Variants in ZNF475 observed in about 807,000 individuals in gnomAD.
ZNF475 encodes the protein zinc finger protein 475.
the ZNF475 span, among the ~76,000 whole-genome samples, chr5:122,165,392 G>C: frequency 3.9e-4 from 59 of 152,270 alleles, no homozygotes; most frequent in Admixed American, 1.3e-4. Flanking sequence ...AGTACACATT[G>C]ACATATATGG....
the ZNF475 span, among the ~76,000 whole-genome samples, chr5:122,174,384 GTCT>G: frequency 1.3e-5 from 2 of 152,098 alleles, no homozygotes; most frequent in East Asian, 1.9e-4. Flanking sequence ...AATAAAATAG[GTCT>G]TCTTATCTCT....
chr5:122,167,672 A>T, the ZNF475 span, among the ~76,000 whole-genome samples: 1 of 152,338 alleles, frequency 6.6e-6, no homozygotes, highest in African/African-American at 2.4e-5. Context: ...ATAATTTACA[A>T]ACAATAACCT....
At chr5:122,172,830 G>A in the ZNF475 span, among the ~76,000 whole-genome samples, 4 of 152,200 alleles carry the variant, frequency 2.6e-5, no homozygotes, top group Admixed American at 2.0e-4. Flanking sequence ...TCAGGAGATC[G>A]AGACCACCCT....
chr5:122,165,087 A>G, the ZNF475 span, among the ~76,000 whole-genome samples: 31 of 152,330 alleles, frequency 2.0e-4, no homozygotes, highest in Non-Finnish European at 2.2e-4. Flanking sequence ...CATTGTCAGT[A>G]ATCAGAAAAT....
chr5:122,161,148 C>T, the ZNF475 span, among the ~76,000 whole-genome samples: 243 of 152,330 alleles, frequency 1.6e-3, no homozygotes, highest in African/African-American at 5.5e-3. Context: ...CTCTCCCTTA[C>T]ATCTCTTGTC....
At chr5:122,169,375 A>C in the ZNF475 span, among the ~76,000 whole-genome samples, 2 of 152,128 alleles carry the variant, frequency 1.3e-5, no homozygotes, top group African/African-American at 4.8e-5. Flanking sequence ...TTAATAGTTT[A>C]TATGTTTGCC....
the ZNF475 span, among the ~76,000 whole-genome samples, chr5:122,168,596 C>T: frequency 7.4e-4 from 113 of 152,294 alleles, 1 homozygote; most frequent in African/African-American, 2.4e-3. Context: ...GCCTGTAGTC[C>T]CAGCTGCTCC....
chr5:122,160,348 T>C, the ZNF475 span: 1 of 1,099,812 alleles, frequency 9.1e-7, no homozygotes. Flanking sequence ...GTGTGGAATA[T>C]GTGTGTGTCG....
the ZNF475 span, among the ~76,000 whole-genome samples, chr5:122,178,296 T>A: frequency 6.6e-6 from 1 of 152,194 alleles, no homozygotes; most frequent in Non-Finnish European, 1.5e-5. Flanking sequence ...TATTTCTGGT[T>A]CTAGATCCTT....
the ZNF475 span, among the ~76,000 whole-genome samples, chr5:122,161,474 A>T: frequency 6.6e-6 from 1 of 152,212 alleles, no homozygotes; most frequent in African/African-American, 2.4e-5. Context: ...TTTTTAAAAA[A>T]TATCTTAAAG....
the ZNF475 span, among the ~76,000 whole-genome samples, chr5:122,160,870 T>C: frequency 2.0e-5 from 3 of 152,210 alleles, no homozygotes; most frequent in Non-Finnish European, 2.9e-5. Flanking sequence ...AATCTTTATA[T>C]AATGAGCGAA....
chr5:122,174,283 T>C, the ZNF475 span, among the ~76,000 whole-genome samples: 12 of 152,246 alleles, frequency 7.9e-5, no homozygotes, highest in Admixed American at 7.2e-4. Flanking sequence ...TAGGAAAACC[T>C]TGGCAGCTGG....
the ZNF475 span, chr5:122,179,888 C>T: frequency 1.9e-6 from 1 of 523,210 alleles, no homozygotes; most frequent in South Asian, 3.5e-5. Context: ...TTCTGAAATG[C>T]CTGTCCAAAG....
the ZNF475 span, among the ~76,000 whole-genome samples, chr5:122,180,915 A>G: frequency 2.8e-4 from 42 of 152,298 alleles, no homozygotes; most frequent in African/African-American, 9.6e-4. Flanking sequence ...AAATTAGAGC[A>G]TTTTCCATAA....
At chr5:122,162,699 C>T in the ZNF475 span, among the ~76,000 whole-genome samples, 1 of 152,206 alleles carries the variant, frequency 6.6e-6, no homozygotes, top group Non-Finnish European at 1.5e-5. Context: ...ACCTCCCTAC[C>T]TCTGCACCCC....
At chr5:122,162,057 A>T in the ZNF475 span, among the ~76,000 whole-genome samples, 1 of 152,252 alleles carries the variant, frequency 6.6e-6, no homozygotes, top group South Asian at 2.1e-4. Flanking sequence ...TTTGGAATTC[A>T]TTCTTTGACC....
the ZNF475 span, among the ~76,000 whole-genome samples, chr5:122,175,789 C>T: frequency 2.6e-5 from 4 of 152,100 alleles, no homozygotes; most frequent in African/African-American, 9.7e-5. Context: ...TTTAATTATC[C>T]TATTTTATTG....
the ZNF475 span, among the ~76,000 whole-genome samples, chr5:122,181,574 T>C: frequency 2.0e-5 from 3 of 152,342 alleles, no homozygotes; most frequent in South Asian, 6.2e-4. Context: ...AGGTTCACTG[T>C]GGTTGTGTGA....
At chr5:122,170,081 C>T in the ZNF475 span, among the ~76,000 whole-genome samples, 7 of 152,226 alleles carry the variant, frequency 4.6e-5, no homozygotes, top group East Asian at 7.7e-4. Flanking sequence ...CAACCATAAA[C>T]AATTAGCAAA....
Sources: gnomAD v4.1 joint callset for allele counts (sites outside exome capture counted in the v4.1 genomes callset) on GRCh38, gnomAD v4.1.1 for gene constraint, MANE v1.5 for transcripts, NCBI Gene and HGNC (gene_info 2026-07-23, HGNC 2026-07-21) for gene names.